Variants in GNPTG observed in about 807,000 individuals in gnomAD.
The protein encoded by GNPTG is N-acetylglucosamine-1-phosphotransferase subunit gamma.
A neutral mutation model predicts 43.8 loss-of-function variants in GNPTG; 46 were observed. That is an observed-to-expected ratio of 1.05 (90% CI 0.83 to 1.34). The LOEUF is 1.34. GNPTG is among the 40% of genes most tolerant of loss of function. The pLI, the probability that GNPTG is intolerant of heterozygous loss-of-function variation, is 0.00. For missense variants in GNPTG, 549 were observed against 411.3 expected, an observed-to-expected ratio of 1.33 and a Z score of -2.90; for synonymous variants, 250 against 172.8, an observed-to-expected ratio of 1.45 and a Z score of -3.50.
At chr16:1,356,007 G>A (rs2034767987) in intron 3 of GNPTG, among the ~76,000 whole-genome samples, 1 of 151,980 alleles carries the variant, frequency 6.6e-6, no homozygotes, top group Admixed American at 6.5e-5. Context: ...TTGGTGGCGT[G>A]TGGGGGTTGT....
rs949569930 is a variant in GNPTG, at chr16:1,363,268, A to G, written c.*177A>G. The G allele has an allele frequency of 1.5e-6, 1 of 658,518 alleles. No individual in the cohort carries two copies. 40.8% of individuals were successfully genotyped at this position (658,518 alleles called of 1,614,324 possible). A position where few individuals can be genotyped will look rare whatever the true frequency, so the allele number is the denominator to read the frequency against. On this transcript the variant is annotated 3_prime_UTR_variant, in exon 11 of 11. Transcript: ENST00000204679. ...AATAACTCCATGAATTCTGTAAACC[A>G]TTGCATAAATGCTATAGTGTAAAAA...
chr16:1,359,554 C>G (rs1015017208), intron 3 of GNPTG, among the ~76,000 whole-genome samples: 1 of 152,148 alleles, frequency 6.6e-6, no homozygotes, highest in Non-Finnish European at 1.5e-5. Flanking sequence ...AGGCGTGAGA[C>G]CCTGCGCCCG....
At chr16:1,352,334 C>CG in intron 3 of GNPTG, 28 bp downstream of exon 3, 1 of 1,547,382 alleles carries the variant, frequency 6.5e-7, no homozygotes, top group South Asian at 1.2e-5. Flanking sequence ...TTGGCCGGCG[C>CG]GGGGGTGGCC....
intron 3 of GNPTG, chr16:1,358,411 T>A (rs922880835): frequency 6.6e-6 from 1 of 152,002 alleles, no homozygotes; most frequent in Non-Finnish European, 1.5e-5. Flanking sequence ...TGGCACAGTG[T>A]CCCCAAGGTC....
At position 1,362,145 on chromosome 16, in the gene GNPTG, C is replaced by G. The variant is rs781337088; in HGVS notation, c.411+14C>G. 10 of 1,612,262 alleles carry G rather than the reference C, an allele frequency of 6.2e-6. No individual in the cohort carries two copies. The highest frequency in any genetic ancestry group is 2.2e-5 in the South Asian group (2 of 90,968). On this transcript the variant is annotated intron_variant, in intron 6 of 10. Coordinates refer to ENST00000204679, the MANE Select transcript of GNPTG (RefSeq NM_032520.5). ...CGGCAGAGCAAGGTGGGGCCTCAGA[C>G]GGGAGCCCGGGAAGAGGGGCCCCAG...
chr16:1,362,373 C>CTGCTGGAGGCCCTGTAG (rs2034913501), intron 7 of GNPTG, 53 bp downstream of exon 7: 1 of 1,609,292 alleles, frequency 6.2e-7, no homozygotes, highest in Admixed American at 1.7e-5. Context: ...GCACGCAGCC[C>CTGCTGGAGGCCCTGTAG]TGCTGGAGGC....
At chr16:1,359,983 C>G (rs777397659) in intron 3 of GNPTG, among the ~76,000 whole-genome samples, 1 of 152,068 alleles carries the variant, frequency 6.6e-6, no homozygotes, top group Non-Finnish European at 1.5e-5. Context: ...ATGGCAGGCA[C>G]CGGTAATCCT....
Position 1,361,870 on chromosome 16 carries a change from A to G in GNPTG, c.234-2A>G. On this transcript the variant is annotated splice_acceptor_variant, in intron 4 of 10. Transcript: ENST00000204679. LOFTEE classifies it high-confidence loss of function. The stretch of plus-strand genomic sequence containing the variant: ...CCCCCCTCATGCCATCTGTGTCCCC[A>G]GGTACAAGTATGAGTTCTGCCCGTT... The G allele has an allele frequency of 6.2e-7, 1 of 1,613,918 alleles. No homozygotes were observed. Among genetic ancestry groups the G allele is most frequent in the Non-Finnish European group, 8.5e-7 (1 of 1,180,016 alleles).
intron 7 of GNPTG, 54 bp downstream of exon 7, chr16:1,362,374 T>C: frequency 1.2e-6 from 2 of 1,608,808 alleles, no homozygotes; most frequent in Non-Finnish European, 1.7e-6. Context: ...CACGCAGCCC[T>C]GCTGGAGGCC....
intron 3 of GNPTG, among the ~76,000 whole-genome samples, chr16:1,354,610 C>CAAAAAAAAAAAAAAAAA (rs2034742326): frequency 6.0e-5 from 5 of 83,810 alleles, no homozygotes; most frequent in African/African-American, 1.7e-4. Context: ...AAAAAAAAAA[C>CAAAAAAAAAAAAAAAAA]CCATAAAAAT....
rs764405882 is a variant in GNPTG, at chr16:1,362,661, G to A, written c.660G>A (p.Lys220=). The A allele has an allele frequency of 6.9e-5, 111 of 1,614,036 alleles. No individual in the cohort carries two copies. Among genetic ancestry groups the A allele is most frequent in the Non-Finnish European group, 9.0e-5 (106 of 1,180,042 alleles). The change falls in exon 9 of 11, where the codon AAG becomes AAA. Residue 220 remains lysine (K), a synonymous_variant. Coordinates refer to ENST00000204679, the MANE Select transcript of GNPTG (RefSeq NM_032520.5). ...TTTTTGAGGATGCTGGCTACTTAAA[G>A]ACCCCAGAAGAAAATGAACCCACCC... ...RTLFEDAGYL[K]TPEENEPTQL...
Position 1,364,024 on chromosome 16 carries a change from C to T in GNPTG, c.*933C>T, listed in dbSNP as rs1390896734. Reference sequence around the variant, plus strand: ...GACCACTGACAACCGGGAGATGTCTCGGCAGACACCACTTATCCCAGAAAA... The same window carrying T: ...GACCACTGACAACCGGGAGATGTCTTGGCAGACACCACTTATCCCAGAAAA... On this transcript the variant is annotated 3_prime_UTR_variant, in exon 11 of 11. Transcript: ENST00000204679. 3.9e-5 allele frequency: 6 copies of T among 152,176 alleles called. No homozygotes were observed. Among genetic ancestry groups the T allele is most frequent in the Admixed American group, 6.5e-5 (1 of 15,268 alleles). 9.4% of individuals were successfully genotyped at this position (152,176 alleles called of 1,614,324 possible).
In GNPTG at chr16:1,362,946, A is replaced by ACT. The variant is rs757281786; in HGVS notation, c.823+42_823+43dup. On this transcript the variant is annotated intron_variant, in intron 10 of 10. Coordinates refer to ENST00000204679, the MANE Select transcript of GNPTG (RefSeq NM_032520.5). ...GGGAGAGGGCCAGGCTCACCATCAC[A>ACT]CTCGCCACCTGTGGGTCCAGGTGAG... The ACT allele has an allele frequency of 3.7e-6, 6 of 1,613,258 alleles. No individual in the cohort carries two copies. In the East Asian group the frequency reaches 8.9e-5, roughly 24 times the overall value.
Position 1,361,679 on chromosome 16 carries a change from C to T in GNPTG, c.179-64C>T, listed in dbSNP as rs1328080791. The T allele has an allele frequency of 3.8e-6, 6 of 1,560,890 alleles. No homozygotes were observed. In the Admixed American group the frequency reaches 8.4e-5, roughly 22 times the overall value. ...AAAACTGGTCCTTTGAAAACAGACT[C>T]TGCCAGTCTTTGCAGACAGGTTCTG... is the stretch of plus-strand genomic sequence containing the variant. On this transcript the variant is annotated intron_variant, in intron 3 of 10. Transcript: ENST00000204679.
rs1477774203 is a variant in GNPTG, at chr16:1,362,240, C to A, written c.446C>A (p.Ala149Asp). 6.2e-7 allele frequency: 1 copy of A among 1,613,438 alleles called. No individual in the cohort carries two copies. Among genetic ancestry groups the A allele is most frequent in the South Asian group, 1.1e-5 (1 of 91,092 alleles). Reference sequence around the variant, plus strand: ...GCGTGTGGAAAAAGCAACCGGCTGGCCCATGTGTCCGAGCCGAGCACCTGC... The same window carrying A: ...GCGTGTGGAAAAAGCAACCGGCTGGACCATGTGTCCGAGCCGAGCACCTGC... ...ELACGKSNRL[A>D]HVSEPSTCVY... The change falls in exon 7 of 11, where the codon GCC (alanine) becomes GAC (aspartate). Residue 149 changes from alanine to aspartate, a missense_variant. Physicochemically the swap from Ala to Asp is moderately radical, Grantham distance 126. Transcript: ENST00000204679.
intron 3 of GNPTG, chr16:1,360,797 G>A (rs2034855502): frequency 6.6e-6 from 1 of 152,258 alleles, no homozygotes. Context: ...ACCATAGCTA[G>A]AAAGGCAACT....
chr16:1,355,075 G>A (rs1481252883), intron 3 of GNPTG, among the ~76,000 whole-genome samples: 2 of 151,978 alleles, frequency 1.3e-5, no homozygotes, highest in Admixed American at 6.5e-5. Context: ...CTGCGGGGTC[G>A]GGTGTGGATG....
At chr16:1,355,222 C>T (rs2034755856) in intron 3 of GNPTG, among the ~76,000 whole-genome samples, 3 of 152,042 alleles carry the variant, frequency 2.0e-5, no homozygotes, top group Non-Finnish European at 4.4e-5. Context: ...TCCTCTCCTG[C>T]GTCTGTGGGG....
At chr16:1,358,181 C>A (rs748477795) in intron 3 of GNPTG, 1 of 150,906 alleles carries the variant, frequency 6.6e-6, no homozygotes, top group African/African-American at 2.4e-5. Context: ...GGACGCTGCA[C>A]GCCTTCCCTC....
Sources: allele counts gnomAD v4.1 joint callset (sites outside exome capture counted in the v4.1 genomes callset), GRCh38; gene constraint gnomAD v4.1.1; transcripts MANE v1.5; gene names NCBI Gene and HGNC (gene_info 2026-07-23, HGNC 2026-07-21).